The following RELCH variants were observed in gnomAD, a reference collection of about 807,000 sequenced individuals.
RELCH encodes the protein RAB11 binding and LisH domain, coiled-coil and HEAT repeat containing, also known as RAB11-binding protein RELCH.
In RELCH, 41 loss-of-function variants were observed where a neutral mutation model predicts 150.3. That is an observed-to-expected ratio of 0.27 (90% CI 0.21 to 0.35). RELCH has a LOEUF of 0.35. Among genes scored for constraint, RELCH ranks in the 10% least tolerant of loss-of-function variants. The pLI is 1.00. For synonymous variants in RELCH, 478 were observed against 531.8 expected (o/e 0.90, Z 1.39); for missense variants, 1,092 against 1,467.8 (o/e 0.74, Z 4.18).
At chr18:62,222,969 A>G (rs1389848317) in intron 5 of RELCH, among the ~76,000 whole-genome samples, 2 of 152,050 alleles carry the variant, frequency 1.3e-5, no homozygotes, top group Non-Finnish European at 2.9e-5. Flanking sequence ...AATTTGTGGG[A>G]TATAACTAAA....
chr18:62,255,526 A>G, intron 13 of RELCH, 48 bp downstream of exon 13: 1 of 1,375,924 alleles, frequency 7.3e-7, no homozygotes, highest in Non-Finnish European at 1.0e-6. Flanking sequence ...CCAATAATAG[A>G]AAAACCTTTT....
In RELCH at chr18:62,263,893, TATG is replaced by T. The variant is rs1459713014; in HGVS notation, c.2351-94_2351-92del. 4 of 816,122 alleles carry T rather than the reference TATG, an allele frequency of 4.9e-6. No individual in the cohort carries two copies. The Admixed American group carries it at 1.1e-4, about 23-fold the overall frequency. The allele number at this position is 816,122 out of a possible 1,614,324, so 50.6% of individuals were successfully genotyped here. ...AATTTACAATAAGAAAGTAATTAAATATGAGGAGAAAGGACCTTATTTTCCTTT... is the reference window on the plus strand; with the variant it reads ...AATTTACAATAAGAAAGTAATTAAATAGGAGAAAGGACCTTATTTTCCTTT... On this transcript the variant is annotated intron_variant, in intron 16 of 28. Coordinates refer to ENST00000644646, the MANE Select transcript of RELCH (RefSeq NM_001346231.2).
At chr18:62,265,132 G>T (rs1600145978) in intron 18 of RELCH, among the ~76,000 whole-genome samples, 1 of 152,060 alleles carries the variant, frequency 6.6e-6, no homozygotes, top group African/African-American at 2.4e-5. Context: ...TATAGGAAGT[G>T]TCAGCTAGGG....
At chr18:62,234,589 T>TA in intron 10 of RELCH, among the ~76,000 whole-genome samples, 1 of 152,010 alleles carries the variant, frequency 6.6e-6, no homozygotes, top group Non-Finnish European at 1.5e-5. Context: ...CTTAGCTGAT[T>TA]AAATAAAGCA....
chr18:62,273,508 AC>A (rs1568416240), intron 20 of RELCH, among the ~76,000 whole-genome samples: 2 of 152,284 alleles, frequency 1.3e-5, no homozygotes, highest in Admixed American at 1.3e-4. Flanking sequence ...ATTTATGGGA[AC>A]AAAAATTCGT....
chr18:62,199,816 T>C (rs2039308522), intron 1 of RELCH, among the ~76,000 whole-genome samples: 1 of 152,306 alleles, frequency 6.6e-6, no homozygotes, highest in East Asian at 1.9e-4. Context: ...ATTCTGCCAC[T>C]CCCTCATTGC....
intron 28 of RELCH, chr18:62,300,587 T>C (rs2045620271): frequency 6.6e-6 from 1 of 152,228 alleles, no homozygotes; most frequent in Non-Finnish European, 1.5e-5. Flanking sequence ...GTTGCATATA[T>C]GGATTTCACC....
intron 20 of RELCH, among the ~76,000 whole-genome samples, chr18:62,273,036 CAAA>C (rs200662662): frequency 7.3e-6 from 1 of 137,430 alleles, no homozygotes; most frequent in African/African-American, 2.7e-5. Context: ...GATTATGTAG[CAAA>C]AAAAAAAAAG....
chr18:62,217,046 T>C (rs2040519242), intron 2 of RELCH, among the ~76,000 whole-genome samples: 1 of 152,000 alleles, frequency 6.6e-6, no homozygotes, highest in Non-Finnish European at 1.5e-5. Context: ...TTCGTCACCA[T>C]GAAATTAAAA....
intron 25 of RELCH, 140 bp from the exon 26 acceptor site, chr18:62,287,211 A>G (rs1256687956): frequency 6.8e-6 from 4 of 589,836 alleles, no homozygotes; most frequent in East Asian, 3.0e-5. Flanking sequence ...AAGCAAGTAT[A>G]AGATATGGGT....
intron 21 of RELCH, 22 bp from the exon 22 acceptor site, chr18:62,275,352 T>C: frequency 7.7e-7 from 1 of 1,293,370 alleles, no homozygotes; most frequent in Non-Finnish European, 1.1e-6. Context: ...ATTTTAACAC[T>C]GTTTTTTTTT....
chr18:62,258,313 A>G (rs907723944), intron 14 of RELCH, among the ~76,000 whole-genome samples, 199 bp from the exon 15 acceptor site: 1 of 151,970 alleles, frequency 6.6e-6, no homozygotes, highest in Admixed American at 6.6e-5. Context: ...GAAATTGGCA[A>G]GAGGTATTCT....
intron 11 of RELCH, among the ~76,000 whole-genome samples, chr18:62,250,380 A>G (rs915358861): frequency 6.6e-6 from 1 of 152,192 alleles, no homozygotes; most frequent in Non-Finnish European, 1.5e-5. Context: ...AAATTTAGCT[A>G]TTACAATTAT....
intron 10 of RELCH, among the ~76,000 whole-genome samples, chr18:62,238,249 C>A (rs898297465): frequency 2.0e-5 from 3 of 151,746 alleles, no homozygotes; most frequent in African/African-American, 7.3e-5. Context: ...CTTCTACTGG[C>A]CTTGGGTTTA....
chr18:62,234,386 T>C (rs1464223494), intron 10 of RELCH, among the ~76,000 whole-genome samples: 1 of 151,588 alleles, frequency 6.6e-6, no homozygotes, highest in Non-Finnish European at 1.5e-5. Context: ...GGCACAGTCA[T>C]GGCTCGCTAC....
At chr18:62,250,449 A>G (rs1600082091) in intron 11 of RELCH, among the ~76,000 whole-genome samples, 1 of 152,234 alleles carries the variant, frequency 6.6e-6, no homozygotes, top group South Asian at 2.1e-4. Context: ...ATGATCAGCT[A>G]TTAGGAAATG....
chr18:62,244,932 T>A, intron 11 of RELCH, 56 bp downstream of exon 11: 1 of 1,125,532 alleles, frequency 8.9e-7, no homozygotes. Flanking sequence ...TGATTTTAAC[T>A]AATTAGGCAT....
At chr18:62,274,214 G>GT (rs1489860908) in intron 21 of RELCH, 128 bp downstream of exon 21, 15 of 595,006 alleles carry the variant, frequency 2.5e-5, no homozygotes, top group East Asian at 1.9e-4. Context: ...AAACTTAAGG[G>GT]TTTTTTTGTG....
At chr18:62,296,254 G>C (rs1291614743) in intron 27 of RELCH, among the ~76,000 whole-genome samples, 1 of 152,020 alleles carries the variant, frequency 6.6e-6, no homozygotes, top group Non-Finnish European at 1.5e-5. Context: ...GTTTTTTTGT[G>C]ACCTGCTTGT....
Sources: gnomAD v4.1 joint callset for allele counts (sites outside exome capture counted in the v4.1 genomes callset) on GRCh38, gnomAD v4.1.1 for gene constraint, MANE v1.5 for transcripts, NCBI Gene and HGNC (gene_info 2026-07-23, HGNC 2026-07-21) for gene names.